The following RAB29 variants were observed in gnomAD, a reference collection of about 807,000 sequenced individuals.
RAB29 encodes the protein RAB29, member RAS oncogene family.
A neutral mutation model predicts 25.5 loss-of-function variants in RAB29; 13 were observed. The observed-to-expected ratio is 0.51, with a 90% CI of 0.33 to 0.81. The LOEUF (loss-of-function observed/expected upper bound fraction) is 0.81. RAB29 is among the 30% of genes least tolerant of loss of function. The pLI is 0.02. For synonymous variants in RAB29, 88 were observed against 95.0 expected (o/e 0.93, Z 0.43); for missense variants, 201 against 254.9 (o/e 0.79, Z 1.44).
intron 2 of RAB29, among the ~76,000 whole-genome samples, chr1:205,772,832 G>C (rs1175540438): frequency 6.6e-6 from 1 of 152,056 alleles, no homozygotes; most frequent in Admixed American, 6.6e-5. Flanking sequence ...CTCCAAGACT[G>C]GGGGTGGGAG....
intron 2 of RAB29, 126 bp downstream of exon 2, chr1:205,774,707 A>T (rs1356152359): frequency 2.0e-6 from 2 of 998,954 alleles, no homozygotes; most frequent in Non-Finnish European, 3.0e-6. Flanking sequence ...CCCAGACAGT[A>T]CTTCCTGACC....
At position 205,770,182 on chromosome 1, in the gene RAB29, A is replaced by G; in HGVS notation, c.*160T>C. 3.0e-6 allele frequency: 2 copies of G among 661,762 alleles called. No homozygotes were observed. The highest frequency in any genetic ancestry group is 4.9e-5 in the Admixed American group (2 of 40,908). 41.0% of individuals were successfully genotyped at this position (661,762 alleles called of 1,614,324 possible). A position where few individuals can be genotyped will look rare whatever the true frequency, so the allele number is the denominator to read the frequency against. ...TAATCCAGGAGATGCAGAAATGCAC[A>G]TGGGTTCCAGGTGTCTTTTCTAAGT... On this transcript the variant is annotated 3_prime_UTR_variant, in exon 6 of 6. Coordinates refer to ENST00000367139, the MANE Select transcript of RAB29 (RefSeq NM_003929.3).
At chr1:205,774,693 G>C in intron 2 of RAB29, 140 bp downstream of exon 2, 2 of 886,962 alleles carry the variant, frequency 2.3e-6, no homozygotes, top group Non-Finnish European at 1.7e-6. Flanking sequence ...ACACCATCTA[G>C]GTTCCCAGAC....
rs767009489 is a variant in RAB29 at position 205,771,576 on chromosome 1, T to C, written c.274A>G (p.Asn92Asp). 3 of 1,613,888 alleles carry C rather than the reference T, an allele frequency of 1.9e-6. No homozygotes were observed. Among genetic ancestry groups the C allele is most frequent in the African/African-American group, 1.3e-5 (1 of 74,902 alleles). ...TGGCTGTTGCTGAAGGTAGTGGCAT[T>C]GGTAACGTCAAACATAATAACACAG... ...SACVIMFDVT[N>D]ATTFSNSQRW... The change falls in exon 4 of 6, where the codon AAT becomes GAT. Residue 92 changes from asparagine (N) to aspartate (D), a missense_variant. Asn to Asp is a conservative substitution (Grantham distance 23). Transcript: ENST00000367139.
Position 205,770,038 on chromosome 1 carries a change from C to A in RAB29, c.*304G>T. 4.9e-6 allele frequency: 2 copies of A among 407,770 alleles called. No individual in the cohort carries two copies. Among genetic ancestry groups the A allele is most frequent in the Non-Finnish European group, 4.5e-6 (1 of 223,580 alleles). The allele number at this position is 407,770 out of a possible 1,614,324, so 25.3% of individuals were successfully genotyped here. ...GGTGAGAATTATGATCTCTAAAACG[C>A]AGGTGCTGATTTCTAATCCTTCTCA... On this transcript the variant is annotated 3_prime_UTR_variant, in exon 6 of 6. Transcript: ENST00000367139.
chr1:205,775,230 G>C, intron 1 of RAB29, 43 bp downstream of exon 1: 1 of 394,742 alleles, frequency 2.5e-6, no homozygotes, highest in South Asian at 2.9e-5. Flanking sequence ...CTCCTGGCCT[G>C]ACTGCCGAGA....
intron 2 of RAB29, 35 bp downstream of exon 2, chr1:205,774,798 T>TCC: frequency 1.5e-6 from 1 of 658,514 alleles, no homozygotes; most frequent in Non-Finnish European, 2.6e-6. Flanking sequence ...GGCCTCCTCC[T>TCC]CCCCCTCCCC....
rs1654840348 is a variant in RAB29, at chr1:205,768,759, TC to T, written c.*1582del. 1.3e-5 allele frequency: 2 copies of T among 152,176 alleles called. No homozygotes were observed. The highest frequency in any genetic ancestry group is 4.1e-4 in the South Asian group (2 of 4,822). 9.4% of individuals were successfully genotyped at this position (152,176 alleles called of 1,614,324 possible). A position where few individuals can be genotyped will look rare whatever the true frequency, so the allele number is the denominator to read the frequency against. ...TATGTTGGCCAGGTTGATCTTGAACTCCTGACCTCAGGCGATCCACCTGCCT... is the reference window on the plus strand; with the variant it reads ...TATGTTGGCCAGGTTGATCTTGAACTCTGACCTCAGGCGATCCACCTGCCT... On this transcript the variant is annotated 3_prime_UTR_variant, in exon 6 of 6. Transcript: ENST00000367139.
In RAB29 at chr1:205,774,807, C is replaced by T. The variant is rs1436334357; in HGVS notation, c.124+26G>A. 3.4e-6 allele frequency: 5 copies of T among 1,491,092 alleles called. No individual in the cohort carries two copies. The South Asian group carries it at 3.6e-5, about 11-fold the overall frequency. 92.4% of individuals were successfully genotyped at this position (1,491,092 alleles called of 1,614,324 possible). On this transcript the variant is annotated intron_variant, in intron 2 of 5. Coordinates refer to ENST00000367139, the MANE Select transcript of RAB29 (RefSeq NM_003929.3). ...GGTCGGGGCCTCCTCCTCCCCCTCCCCCTCCCCACCCCCGAGACGTCTCAC... is the reference window on the plus strand; with the variant it reads ...GGTCGGGGCCTCCTCCTCCCCCTCCTCCTCCCCACCCCCGAGACGTCTCAC...
intron 2 of RAB29, among the ~76,000 whole-genome samples, chr1:205,773,516 T>G (rs1311429481): frequency 6.6e-6 from 1 of 152,210 alleles, no homozygotes; most frequent in Admixed American, 6.5e-5. Context: ...AGACTTAAAT[T>G]TTTTGTTCCT....
At chr1:205,770,588 A>G (rs1412728856) in intron 5 of RAB29, 135 bp from the exon 6 acceptor site, 2 of 1,434,296 alleles carry the variant, frequency 1.4e-6, no homozygotes, top group Non-Finnish European at 1.9e-6. Flanking sequence ...CAGTTATCTC[A>G]GGAAAGACAG....
Position 205,775,069 on chromosome 1 carries a change from A to AC in RAB29, c.-114dup. On this transcript the variant is annotated 5_prime_UTR_variant, in exon 2 of 6. Coordinates refer to ENST00000367139, the MANE Select transcript of RAB29 (RefSeq NM_003929.3). ...CTTCAAACTGAAGTGAGGCATTCCC[A>AC]CCCACCGCCTGTCTGGGCTGCTCTG... 7.3e-7 allele frequency: 1 copy of AC among 1,371,798 alleles called. No individual in the cohort carries two copies. The highest frequency in any genetic ancestry group is 1.0e-6 in the Non-Finnish European group (1 of 995,056). 85.0% of individuals were successfully genotyped at this position (1,371,798 alleles called of 1,614,324 possible).
rs937727569 is a variant in RAB29, at chr1:205,770,717, A to C, written c.500+16T>G. The C allele has an allele frequency of 8.7e-6, 14 of 1,613,898 alleles. No individual in the cohort carries two copies. The highest frequency in any genetic ancestry group is 1.2e-5 in the Non-Finnish European group (14 of 1,179,972). ...AGATGGATACATCTGCATGCCTATC[A>C]GCATGAGCTACTTACCTCATAGCCT... On this transcript the variant is annotated intron_variant, in intron 5 of 5. Transcript: ENST00000367139.
rs747244785 is a variant in RAB29, at chr1:205,771,493, G to A, written c.357C>T (p.Pro119=). 10 of 1,614,154 alleles carry A rather than the reference G, an allele frequency of 6.2e-6. No homozygotes were observed. In the South Asian group the frequency reaches 8.8e-5, roughly 14 times the overall value. Residue 119 remains proline, a synonymous_variant, in exon 4 of 6, where the codon CCC becomes CCT. Transcript: ENST00000367139. ...ATACCTTGTTGGCCAAGAGCAGGCA[G>A]GGCACCGGCTCTCCATTGGGTAGTG... ...KLTLPNGEPV[P]CLLLANKCDL...
At chr1:205,774,795 T>TCCAA in intron 2 of RAB29, 38 bp downstream of exon 2, 100 of 860,474 alleles carry the variant, frequency 1.2e-4, no homozygotes, top group Non-Finnish European at 1.6e-4. Flanking sequence ...CGGGGCCTCC[T>TCCAA]CCTCCCCCTC....
At chr1:205,770,930 G>A in intron 4 of RAB29, 76 bp from the exon 5 acceptor site, 1 of 1,530,224 alleles carries the variant, frequency 6.5e-7, no homozygotes, top group Non-Finnish European at 9.0e-7. Flanking sequence ...AGATACTGTG[G>A]ATTTTAAACA....
chr1:205,775,414 G>C lies in RAB29; in HGVS notation c.-272C>G, dbSNP rs1396230097. Reference sequence around the variant, plus strand: ...GAGCAGCCGGCACCTCGATTCCCTAGACGCCCTCCCGCGCGCCTCTCTCTC... The same window carrying C: ...GAGCAGCCGGCACCTCGATTCCCTACACGCCCTCCCGCGCGCCTCTCTCTC... On this transcript the variant is annotated 5_prime_UTR_variant, in exon 1 of 6. Transcript: ENST00000367139. 1 of 155,434 alleles carries C rather than the reference G, an allele frequency of 6.4e-6. No individual in the cohort carries two copies. Among genetic ancestry groups the C allele is most frequent in the African/African-American group, 2.4e-5 (1 of 41,494 alleles). 9.6% of individuals were successfully genotyped at this position (155,434 alleles called of 1,614,324 possible).
chr1:205,774,820 C>CGGG lies in RAB29; in HGVS notation c.124+12_124+13insCCC. 6.4e-7 allele frequency: 1 copy of CGGG among 1,568,776 alleles called. No homozygotes were observed. ...TCCTCCCCCTCCCCCTCCCCACCCCCGAGACGTCTCACCTCCCACCGTGGA... is the reference window on the plus strand; with the variant it reads ...TCCTCCCCCTCCCCCTCCCCACCCCCGGGGAGACGTCTCACCTCCCACCGTGGA... On this transcript the variant is annotated intron_variant, in intron 2 of 5. Transcript: ENST00000367139.
At chr1:205,772,104 G>A (rs1485290547) in intron 3 of RAB29, among the ~76,000 whole-genome samples, 2 of 152,144 alleles carry the variant, frequency 1.3e-5, no homozygotes, top group Non-Finnish European at 2.9e-5. Flanking sequence ...GGATTAATGA[G>A]TCAGTGAATT....
Sources: gnomAD v4.1 joint callset for allele counts (sites outside exome capture counted in the v4.1 genomes callset) on GRCh38, gnomAD v4.1.1 for gene constraint, MANE v1.5 for transcripts, NCBI Gene and HGNC (gene_info 2026-07-23, HGNC 2026-07-21) for gene names.